The following PJA2 variants were observed in gnomAD, a reference collection of about 807,000 sequenced individuals.
PJA2 encodes E3 ubiquitin-protein ligase Praja-2.
Under a neutral mutation model 69.3 loss-of-function variants are expected in PJA2, and 25 were observed. That is an observed-to-expected ratio of 0.36 (90% confidence interval 0.26 to 0.50). The LOEUF is 0.50. Ranked by LOEUF, PJA2 falls within the 20% of genes least tolerant of loss-of-function variation. PJA2 has a pLI of 0.96. For missense variants in PJA2, 809 were observed against 830.2 expected (o/e 0.97, Z 0.31); for synonymous variants, 308 against 277.8 (o/e 1.11, Z -1.08).
intron 6 of PJA2, among the ~76,000 whole-genome samples, chr5:109,361,686 C>T (rs1305457278): frequency 6.6e-6 from 1 of 152,196 alleles, no homozygotes; most frequent in East Asian, 1.9e-4. Context: ...ACTTATTCTC[C>T]ATAATGCATG....
At chr5:109,393,939 G>C (rs917336084) in intron 1 of PJA2, among the ~76,000 whole-genome samples, 1 of 151,332 alleles carries the variant, frequency 6.6e-6, no homozygotes, top group Admixed American at 6.6e-5. Flanking sequence ...CATACCAAGA[G>C]AGAATAATCA....
intron 5 of PJA2, among the ~76,000 whole-genome samples, chr5:109,365,392 G>A (rs531350089): frequency 3.9e-5 from 6 of 152,198 alleles, no homozygotes; most frequent in Admixed American, 6.5e-5. Flanking sequence ...AACAAATAAC[G>A]AAACCAAGGT....
intron 4 of PJA2, among the ~76,000 whole-genome samples, chr5:109,377,287 A>C (rs1406938044): frequency 6.6e-6 from 1 of 152,124 alleles, no homozygotes; most frequent in Non-Finnish European, 1.5e-5. Flanking sequence ...CTAAAAAAAA[A>C]CCACACAATT....
chr5:109,337,131 G>T lies in PJA2; in HGVS notation c.*100C>A. The T allele has an allele frequency of 8.9e-7, 1 of 1,122,636 alleles. No individual in the cohort carries two copies. The highest frequency in any genetic ancestry group is 1.2e-6 in the Non-Finnish European group (1 of 835,928). 69.5% of individuals were successfully genotyped at this position (1,122,636 alleles called of 1,614,324 possible). A position where few individuals can be genotyped will look rare whatever the true frequency, so the allele number is the denominator to read the frequency against. ...TAAACTATGGCATATACTATATATA[G>T]CATTTTTAAATATATTTATATATAA... On this transcript the variant is annotated 3_prime_UTR_variant, in exon 10 of 10. Coordinates refer to ENST00000361189, the MANE Select transcript of PJA2 (RefSeq NM_014819.5).
intron 4 of PJA2, among the ~76,000 whole-genome samples, chr5:109,372,723 T>C (rs370980536): frequency 6.6e-6 from 1 of 151,368 alleles, no homozygotes; most frequent in Non-Finnish European, 1.5e-5. Context: ...CTAAGCAACA[T>C]GGAGAAAACT....
intron 8 of PJA2, 98 bp from the exon 9 acceptor site, chr5:109,344,409 C>T (rs574719867): frequency 3.5e-5 from 45 of 1,297,180 alleles, no homozygotes; most frequent in Admixed American, 7.7e-5. Flanking sequence ...CTCTGAAAGA[C>T]GAAAGAGCCA....
intron 1 of PJA2, among the ~76,000 whole-genome samples, chr5:109,403,061 A>T (rs1392810519): frequency 1.3e-5 from 2 of 152,076 alleles, no homozygotes; most frequent in African/African-American, 4.8e-5. Flanking sequence ...TAACAATTAA[A>T]AAAAAAGCAA....
At chr5:109,342,878 T>TTG (rs1475461257) in intron 9 of PJA2, among the ~76,000 whole-genome samples, 7 of 5,742 alleles carry the variant, frequency 1.2e-3, no homozygotes, top group Non-Finnish European at 1.8e-3. Flanking sequence ...GGGAGGGAGG[T>TTG]GGGGGGGGGG....
chr5:109,342,332 G>A (rs1197121928), intron 9 of PJA2, among the ~76,000 whole-genome samples: 3 of 107,406 alleles, frequency 2.8e-5, no homozygotes, highest in African/African-American at 6.8e-5. Context: ...GAGGTGGGGG[G>A]ATCGGCCCCC....
At chr5:109,356,654 A>T (rs1235550260) in intron 6 of PJA2, among the ~76,000 whole-genome samples, 1 of 152,118 alleles carries the variant, frequency 6.6e-6, no homozygotes, top group Non-Finnish European at 1.5e-5. Flanking sequence ...AAAGAAAATA[A>T]CCATATTTAT....
rs1311199446 is a variant in PJA2 at position 109,385,208 on chromosome 5, C to T, written c.-87-1688G>A. ...TGTTTTAAGAAGAATGCTCTGGCTACTGTATTGAATAGCATGAAGAGGAAT... is the reference window on the plus strand; with the variant it reads ...TGTTTTAAGAAGAATGCTCTGGCTATTGTATTGAATAGCATGAAGAGGAAT... On this transcript the variant is annotated intron_variant, in intron 1 of 9. Coordinates refer to ENST00000361189, the MANE Select transcript of PJA2 (RefSeq NM_014819.5). Among the ~76,000 whole-genome samples, 10 of 152,172 alleles carry T rather than the reference C, an allele frequency of 6.6e-5. No individual in the cohort carries two copies. In the South Asian group the frequency reaches 2.1e-3, roughly 32 times the overall value.
At chr5:109,357,623 G>T (rs1762434765) in intron 6 of PJA2, among the ~76,000 whole-genome samples, 1 of 152,212 alleles carries the variant, frequency 6.6e-6, no homozygotes, top group Non-Finnish European at 1.5e-5. Flanking sequence ...GTGCAAAGGT[G>T]CCTGGCACAG....
intron 4 of PJA2, among the ~76,000 whole-genome samples, chr5:109,370,597 T>C (rs1000618926): frequency 1.3e-5 from 2 of 152,212 alleles, no homozygotes; most frequent in Non-Finnish European, 2.9e-5. Context: ...AAGTTCCTTG[T>C]ATGCTGTACA....
intron 5 of PJA2, among the ~76,000 whole-genome samples, chr5:109,366,614 G>A (rs1317318274): frequency 6.6e-6 from 1 of 152,024 alleles, no homozygotes; most frequent in East Asian, 1.9e-4. Flanking sequence ...TAATGTACTG[G>A]GTTTGTATCT....
In PJA2 at chr5:109,353,063, T is replaced by C. The variant is rs529405797; in HGVS notation, c.1764+2852A>G. Among the ~76,000 whole-genome samples the C allele has an allele frequency of 2.2e-4, 32 of 145,006 alleles. 1 individual carries two copies. In the East Asian group the frequency reaches 6.2e-3, roughly 28 times the overall value. ...GATACCTATATCATAGACATCTATA[T>C]ATTAGATACCTATTATATCTATAGA... On this transcript the variant is annotated intron_variant, in intron 7 of 9. Coordinates refer to ENST00000361189, the MANE Select transcript of PJA2 (RefSeq NM_014819.5).
chr5:109,342,348 G>A (rs1582580699), intron 9 of PJA2, among the ~76,000 whole-genome samples: 1 of 118,972 alleles, frequency 8.4e-6, no homozygotes, highest in Non-Finnish European at 1.8e-5. Context: ...CCCCCCGCCC[G>A]GCCAGCCGCC....
At position 109,379,061 on chromosome 5, in the gene PJA2, A is replaced by G. The variant is rs376989185; in HGVS notation, c.426T>C (p.Ser142=). 1 of 1,614,090 alleles carries G rather than the reference A, an allele frequency of 6.2e-7. No homozygotes were observed. The highest frequency in any genetic ancestry group is 2.2e-5 in the East Asian group (1 of 44,860). Residue 142 remains serine (S), a synonymous_variant, in exon 4 of 10, where the codon TCT becomes TCC. Coordinates refer to ENST00000361189, the MANE Select transcript of PJA2 (RefSeq NM_014819.5). ...AAGCTCCTGGAATATACTCTCCCTC[A>G]GAGTGATTATGAAGATTTGTACTGC... ...LGSSTNLHNH[S]EGEYIPGACS... is the part of the protein sequence containing the mutation.
chr5:109,391,747 A>G (rs1037377319), intron 1 of PJA2, among the ~76,000 whole-genome samples: 2 of 152,220 alleles, frequency 1.3e-5, no homozygotes, highest in Non-Finnish European at 2.9e-5. Context: ...GTAAAGTTCT[A>G]TAGTGATAAC....
intron 1 of PJA2, among the ~76,000 whole-genome samples, chr5:109,391,761 T>G (rs923532580): frequency 1.3e-5 from 2 of 152,186 alleles, no homozygotes; most frequent in Non-Finnish European, 2.9e-5. Context: ...TGATAACTTT[T>G]AGATGGTTGA....
Sources: gnomAD v4.1 joint callset for allele counts (sites outside exome capture counted in the v4.1 genomes callset) on GRCh38, gnomAD v4.1.1 for gene constraint, MANE v1.5 for transcripts, NCBI Gene and HGNC (gene_info 2026-07-23, HGNC 2026-07-21) for gene names.